Variants in AGBL4 observed in about 807,000 individuals in gnomAD.
The protein encoded by AGBL4 is AGBL carboxypeptidase 4.
AGBL4 carries 58 observed loss-of-function variants against 66.4 expected under a neutral mutation model. The ratio of observed to expected loss-of-function variants is 0.87; its 90% confidence interval spans 0.71 to 1.09. AGBL4 has a LOEUF of 1.09. Ranked by LOEUF, AGBL4 falls within the 50% of genes least tolerant of loss-of-function variation. The probability of loss-of-function intolerance (pLI) is 0.00; values close to 1 mark genes in which losing one functional copy is unlikely to be tolerated. For synonymous variants in AGBL4, 234 were observed against 222.9 expected (o/e 1.05, Z -0.44); for missense variants, 579 against 631.0 (o/e 0.92, Z 0.88).
At chr1:48,759,946 G>T (rs1644166650) in intron 6 of AGBL4, among the ~76,000 whole-genome samples, 1 of 152,174 alleles carries the variant, frequency 6.6e-6, no homozygotes, top group Non-Finnish European at 1.5e-5. Context: ...AAAGTTCAAA[G>T]AATTCTAGCA....
chr1:48,591,500 C>T (rs1369329716), intron 9 of AGBL4, among the ~76,000 whole-genome samples: 1 of 152,140 alleles, frequency 6.6e-6, no homozygotes, highest in Non-Finnish European at 1.5e-5. Flanking sequence ...CCTCAGCTTT[C>T]TTATCTGAAA....
intron 4 of AGBL4, among the ~76,000 whole-genome samples, chr1:49,078,901 C>T (rs1644759092): frequency 6.6e-6 from 1 of 152,164 alleles, no homozygotes; most frequent in Non-Finnish European, 1.5e-5. Context: ...AGTGGCTTTA[C>T]ATTAAAAATT....
At chr1:49,129,609 C>T in intron 4 of AGBL4, among the ~76,000 whole-genome samples, 1 of 151,760 alleles carries the variant, frequency 6.6e-6, no homozygotes, top group Non-Finnish European at 1.5e-5. Flanking sequence ...TGATGATTTC[C>T]AATTTCATCC....
intron 2 of AGBL4, among the ~76,000 whole-genome samples, chr1:49,746,992 T>A (rs1558216834): frequency 1.3e-5 from 2 of 152,048 alleles, no homozygotes; most frequent in Non-Finnish European, 2.9e-5. Flanking sequence ...AAGAAAACAT[T>A]TCTAAAGTGA....
At chr1:48,740,391 G>A (rs1649737345) in intron 6 of AGBL4, among the ~76,000 whole-genome samples, 1 of 152,078 alleles carries the variant, frequency 6.6e-6, no homozygotes, top group African/African-American at 2.4e-5. Context: ...CTCTGGATAT[G>A]TTTCCCTACC....
chr1:49,837,177 C>T (rs1482154232), intron 2 of AGBL4, among the ~76,000 whole-genome samples: 2 of 152,204 alleles, frequency 1.3e-5, no homozygotes, highest in Admixed American at 6.5e-5. Flanking sequence ...CCCCCAGGTG[C>T]TCTGTCCAAG....
At chr1:49,542,308 G>T (rs1177634995) in intron 3 of AGBL4, among the ~76,000 whole-genome samples, 2 of 152,140 alleles carry the variant, frequency 1.3e-5, no homozygotes, top group Non-Finnish European at 2.9e-5. Flanking sequence ...AAATCTTGCT[G>T]CTGCTCACTT....
intron 6 of AGBL4, among the ~76,000 whole-genome samples, chr1:48,755,567 C>T (rs1652422877): frequency 6.6e-6 from 1 of 152,214 alleles, no homozygotes; most frequent in African/African-American, 2.4e-5. Flanking sequence ...TAACCCAGGA[C>T]ATGTTTCTCA....
intron 1 of AGBL4, among the ~76,000 whole-genome samples, chr1:49,860,859 G>A (rs533274403): frequency 3.3e-5 from 5 of 151,898 alleles, no homozygotes; most frequent in African/African-American, 2.4e-5. Flanking sequence ...GATGAGCACT[G>A]ACAGTACCTG....
chr1:49,910,210 A>G (rs1304861559), intron 1 of AGBL4, among the ~76,000 whole-genome samples: 1 of 152,210 alleles, frequency 6.6e-6, no homozygotes, highest in Non-Finnish European at 1.5e-5. Flanking sequence ...CAACAACAAC[A>G]ACAATGAGTT....
At chr1:49,579,797 C>T (rs1644507075) in intron 3 of AGBL4, among the ~76,000 whole-genome samples, 1 of 152,176 alleles carries the variant, frequency 6.6e-6, no homozygotes, top group African/African-American at 2.4e-5. Flanking sequence ...CTGCACCCAG[C>T]CTAGAATTTT....
intron 3 of AGBL4, among the ~76,000 whole-genome samples, chr1:49,565,752 C>G (rs1031193060): frequency 5.3e-5 from 8 of 152,048 alleles, no homozygotes; most frequent in African/African-American, 1.7e-4. Flanking sequence ...TCCATTTCAT[C>G]TTTGGTGAAT....
intron 2 of AGBL4, among the ~76,000 whole-genome samples, chr1:49,746,994 CT>C (rs1651037360): frequency 6.6e-6 from 1 of 152,052 alleles, no homozygotes; most frequent in Non-Finnish European, 1.5e-5. Context: ...GAAAACATTT[CT>C]AAAGTGAAAA....
At chr1:49,954,545 C>T (rs1245053673) in intron 1 of AGBL4, among the ~76,000 whole-genome samples, 1 of 152,026 alleles carries the variant, frequency 6.6e-6, no homozygotes, top group Admixed American at 6.6e-5. Flanking sequence ...TTGTACTTCC[C>T]AGCATCCAGA....
chr1:49,226,840 A>G (rs914657908), intron 4 of AGBL4, among the ~76,000 whole-genome samples: 2 of 152,332 alleles, frequency 1.3e-5, no homozygotes, highest in East Asian at 3.9e-4. Flanking sequence ...AAAATATCAT[A>G]AGCTAACTGG....
At chr1:49,612,888 C>T (rs1252334657) in intron 3 of AGBL4, among the ~76,000 whole-genome samples, 2 of 152,160 alleles carry the variant, frequency 1.3e-5, no homozygotes, top group Non-Finnish European at 2.9e-5. Flanking sequence ...TGGGTATAGA[C>T]CCAAAGGAAA....
intron 6 of AGBL4, among the ~76,000 whole-genome samples, chr1:48,724,031 G>A (rs942100078): frequency 6.6e-6 from 1 of 152,202 alleles, no homozygotes; most frequent in Non-Finnish European, 1.5e-5. Context: ...AGCAGAAGAT[G>A]TCCAGAGAGC....
chr1:49,372,679 CTCTTTCTTTCTCTT>C (rs1644389037), intron 3 of AGBL4, among the ~76,000 whole-genome samples: 6 of 90,194 alleles, frequency 6.7e-5, no homozygotes, highest in African/African-American at 2.1e-4. Context: ...TTCTTTCTTT[CTCTTTCTTTCTCTT>C]TCTTTCTTTT....
chr1:49,936,212 C>T (rs372050902), intron 1 of AGBL4, among the ~76,000 whole-genome samples: 28 of 152,064 alleles, frequency 1.8e-4, no homozygotes, highest in Non-Finnish European at 3.2e-4. Flanking sequence ...GGAGCCGATG[C>T]GATCAACTGC....
Sources: gnomAD v4.1 joint callset for allele counts (sites outside exome capture counted in the v4.1 genomes callset) on GRCh38, gnomAD v4.1.1 for gene constraint, MANE v1.5 for transcripts, NCBI Gene and HGNC (gene_info 2026-07-23, HGNC 2026-07-21) for gene names.